Variants in AGMO observed in about 807,000 individuals in gnomAD.
The protein encoded by AGMO is alkylglycerol monooxygenase.
AGMO carries 75 observed loss-of-function variants against 60.2 expected under a neutral mutation model. The observed-to-expected ratio is 1.25, with a 90% CI of 1.03 to 1.51. The LOEUF (loss-of-function observed/expected upper bound fraction) is 1.51. Ranked by LOEUF, AGMO falls within the 40% of genes most tolerant of loss-of-function variation. AGMO has a pLI of 0.00. For synonymous variants in AGMO, 261 were observed against 177.1 expected (o/e 1.47, Z -3.76); for missense variants, 763 against 525.5 (o/e 1.45, Z -4.42).
chr7:15,474,703 T>C (rs1356711423), intron 3 of AGMO, among the ~76,000 whole-genome samples: 1 of 152,144 alleles, frequency 6.6e-6, no homozygotes, highest in Non-Finnish European at 1.5e-5. Context: ...AAGTGGGATC[T>C]AATTAAACTA....
Position 15,366,235 on chromosome 7 carries a change from C to T in AGMO, c.1075-13G>A. ...CTTGCGACAGTGCCTGTCAAACAAA[C>T]ACGGAGATCAATGGAGCCGTTAGAA... On this transcript the variant is annotated splice_polypyrimidine_tract_variant and intron_variant, in intron 10 of 12. Coordinates refer to ENST00000342526, the MANE Select transcript of AGMO (RefSeq NM_001004320.2). The T allele has an allele frequency of 6.3e-7, 1 of 1,591,372 alleles. No individual in the cohort carries two copies. The highest frequency in any genetic ancestry group is 8.6e-7 in the Non-Finnish European group (1 of 1,165,986).
intron 5 of AGMO, among the ~76,000 whole-genome samples, chr7:15,413,992 G>A (rs1319486340): frequency 1.3e-5 from 2 of 151,878 alleles, no homozygotes; most frequent in Non-Finnish European, 2.9e-5. Context: ...AATATTTTGG[G>A]ATTTATTTAT....
chr7:15,402,617 T>G (rs1054789864), intron 5 of AGMO, among the ~76,000 whole-genome samples: 4 of 147,394 alleles, frequency 2.7e-5, no homozygotes, highest in Non-Finnish European at 4.5e-5. Flanking sequence ...AATAATAATA[T>G]ATATTAAATA....
the AGMO span, among the ~76,000 whole-genome samples, chr7:15,128,833 C>A: frequency 6.6e-6 from 1 of 152,000 alleles, no homozygotes; most frequent in Non-Finnish European, 1.5e-5. Context: ...ATGAGGAAAG[C>A]CTGTTTATTA....
chr7:15,269,758 C>T (rs1783541364), intron 12 of AGMO, among the ~76,000 whole-genome samples: 1 of 150,476 alleles, frequency 6.6e-6, no homozygotes, highest in Non-Finnish European at 1.5e-5. Context: ...CATCATCCCT[C>T]TCATACCCTA....
intron 12 of AGMO, among the ~76,000 whole-genome samples, chr7:15,214,595 A>C (rs1402381544): frequency 6.6e-6 from 1 of 151,156 alleles, no homozygotes. Context: ...AACCAATCCT[A>C]CCTTTGGGTC....
intron 12 of AGMO, among the ~76,000 whole-genome samples, chr7:15,253,949 A>T (rs1027396505): frequency 6.7e-6 from 1 of 149,148 alleles, no homozygotes; most frequent in Non-Finnish European, 1.5e-5. Context: ...ATTGTGTAGT[A>T]TTTTTTTTTT....
At chr7:15,245,377 G>C (rs1230750309) in intron 12 of AGMO, among the ~76,000 whole-genome samples, 1 of 152,112 alleles carries the variant, frequency 6.6e-6, no homozygotes, top group African/African-American at 2.4e-5. Context: ...CTAAATTAGA[G>C]CCTAAGCTAG....
the AGMO span, among the ~76,000 whole-genome samples, chr7:15,138,578 A>G: frequency 1.3e-5 from 2 of 151,542 alleles, no homozygotes; most frequent in African/African-American, 4.8e-5. Flanking sequence ...AGCGTTTACA[A>G]CTATCTGCAT....
intron 3 of AGMO, among the ~76,000 whole-genome samples, chr7:15,471,386 C>A (rs1180317955): frequency 6.6e-6 from 1 of 151,856 alleles, no homozygotes; most frequent in African/African-American, 2.4e-5. Flanking sequence ...TATGAGTCTA[C>A]ACAGGACCTC....
chr7:15,537,089 T>G (rs555262447), intron 3 of AGMO, among the ~76,000 whole-genome samples: 183 of 152,210 alleles, frequency 1.2e-3, no homozygotes, highest in African/African-American at 4.0e-3. Flanking sequence ...TAAAGTCTAC[T>G]TCAAACTTAA....
At chr7:15,294,107 T>C (rs1402828947) in intron 12 of AGMO, among the ~76,000 whole-genome samples, 1 of 152,042 alleles carries the variant, frequency 6.6e-6, no homozygotes, top group Non-Finnish European at 1.5e-5. Context: ...TTCCAGAAAA[T>C]AAAGCAGGTT....
chr7:15,164,340 T>A, the AGMO span, among the ~76,000 whole-genome samples: 1 of 151,886 alleles, frequency 6.6e-6, no homozygotes, highest in Admixed American at 6.6e-5. Flanking sequence ...AGGTAAATAA[T>A]CATGACTAAA....
chr7:15,253,350 T>G (rs1782996281), intron 12 of AGMO, among the ~76,000 whole-genome samples: 1 of 152,128 alleles, frequency 6.6e-6, no homozygotes, highest in Non-Finnish European at 1.5e-5. Flanking sequence ...TACTTTGACT[T>G]TCCCAACTAA....
intron 12 of AGMO, among the ~76,000 whole-genome samples, chr7:15,258,976 T>C (rs147897808): frequency 6.6e-6 from 1 of 152,140 alleles, no homozygotes; most frequent in Non-Finnish European, 1.5e-5. Context: ...AGAAAAACAA[T>C]TCTGGTAATA....
intron 10 of AGMO, among the ~76,000 whole-genome samples, chr7:15,372,755 T>C (rs187018205): frequency 1.3e-5 from 2 of 152,230 alleles, no homozygotes; most frequent in Non-Finnish European, 2.9e-5. Context: ...TTTTATTTTT[T>C]CATTTAATTT....
chr7:15,513,722 TAGCA>T (rs1017725490), intron 3 of AGMO, among the ~76,000 whole-genome samples: 23 of 152,346 alleles, frequency 1.5e-4, no homozygotes, highest in African/African-American at 5.0e-4. Context: ...TCTCTGAAGC[TAGCA>T]AGACAGTTTT....
intron 12 of AGMO, among the ~76,000 whole-genome samples, chr7:15,359,659 TA>T (rs1172397201): frequency 1.3e-5 from 2 of 152,188 alleles, no homozygotes; most frequent in Non-Finnish European, 1.5e-5. Flanking sequence ...TTATTTATCC[TA>T]AAATACGTCA....
intron 12 of AGMO, among the ~76,000 whole-genome samples, chr7:15,308,053 C>T (rs1208652982): frequency 6.6e-6 from 1 of 152,102 alleles, no homozygotes; most frequent in Non-Finnish European, 1.5e-5. Context: ...TGCTGGTCCT[C>T]ACTACACCCC....
Sources: gnomAD v4.1 joint callset for allele counts (sites outside exome capture counted in the v4.1 genomes callset) on GRCh38, gnomAD v4.1.1 for gene constraint, MANE v1.5 for transcripts, NCBI Gene and HGNC (gene_info 2026-07-23, HGNC 2026-07-21) for gene names.